Variants in RAP1B observed in about 807,000 individuals in gnomAD.
RAP1B encodes ras-related protein Rap-1b.
Under a neutral mutation model 27.5 loss-of-function variants are expected in RAP1B, and 1 was observed. The ratio of observed to expected loss-of-function variants is 0.04; its 90% CI spans 0.01 to 0.17. The LOEUF is 0.17. Ranked by LOEUF, RAP1B falls within the 10% of genes least tolerant of loss-of-function variation. The probability of loss-of-function intolerance (pLI) is 1.00; values close to 1 mark genes in which losing one functional copy is unlikely to be tolerated. For synonymous variants in RAP1B, 75 were observed against 73.1 expected (o/e 1.03, Z -0.13); for missense variants, 84 against 214.8 (o/e 0.39, Z 3.81).
At chr12:68,629,665 T>A (rs184204856) in intron 1 of RAP1B, among the ~76,000 whole-genome samples, 3 of 152,340 alleles carry the variant, frequency 2.0e-5, no homozygotes, top group African/African-American at 4.8e-5. Flanking sequence ...TCCCTTTATA[T>A]ATACTGTTTT....
At chr12:68,640,235 TG>T in intron 1 of RAP1B, among the ~76,000 whole-genome samples, 1 of 152,288 alleles carries the variant, frequency 6.6e-6, no homozygotes, top group African/African-American at 2.4e-5. Flanking sequence ...GGACTCTTTG[TG>T]TACTGAGCTA....
rs563169018 is a variant in RAP1B at position 68,621,063 on chromosome 12, C to G, written c.-27+10020C>G. On this transcript the variant is annotated intron_variant, in intron 1 of 7. Coordinates refer to ENST00000250559, the MANE Select transcript of RAP1B (RefSeq NM_001010942.3). ...AAATGGAGAGAAAAGATAATTCAGT[C>G]TGAACACCAGTGTTGCAAAGAACAA... Among the ~76,000 whole-genome samples the G allele has an allele frequency of 2.0e-5, 3 of 152,246 alleles. No individual in the cohort carries two copies. The South Asian group carries it at 6.2e-4, about 32-fold the overall frequency.
rs1028102929 is a variant in RAP1B, at chr12:68,667,696, A to G, written c.*8447A>G. On this transcript the variant is annotated 3_prime_UTR_variant, in exon 8 of 8. Coordinates refer to ENST00000250559, the MANE Select transcript of RAP1B (RefSeq NM_001010942.3). ...CCAGAAGTCAATTCAGTCATTCTCTATAAGAGCTGTTGTGGAAAAAGTTCT... is the reference window on the plus strand; with the variant it reads ...CCAGAAGTCAATTCAGTCATTCTCTGTAAGAGCTGTTGTGGAAAAAGTTCT... 5.9e-5 allele frequency: 9 copies of G among 152,216 alleles called. No individual in the cohort carries two copies. The highest frequency in any genetic ancestry group is 1.9e-4 in the African/African-American group (8 of 41,456). The allele number at this position is 152,216 out of a possible 1,614,324, so 9.4% of individuals were successfully genotyped here. A position where few individuals can be genotyped will look rare whatever the true frequency, so the allele number is the denominator to read the frequency against.
intron 1 of RAP1B, among the ~76,000 whole-genome samples, chr12:68,630,050 G>A (rs574734123): frequency 6.6e-6 from 1 of 152,300 alleles, no homozygotes; most frequent in South Asian, 2.1e-4. Flanking sequence ...TTGAGAACTA[G>A]ATTCTTTCCC....
chr12:68,642,435 A>G (rs531470910), intron 1 of RAP1B: 26 of 626,960 alleles, frequency 4.1e-5, no homozygotes, highest in Non-Finnish European at 7.0e-5. Flanking sequence ...TTATGGTGCT[A>G]TTGGTCTACT....
chr12:68,638,263 A>G (rs1872760935), intron 1 of RAP1B, among the ~76,000 whole-genome samples: 1 of 151,518 alleles, frequency 6.6e-6, no homozygotes, highest in Non-Finnish European at 1.5e-5. Flanking sequence ...AATTTGTATA[A>G]TCCCTTATAC....
At chr12:68,612,035 C>T (rs1321512820) in intron 1 of RAP1B, among the ~76,000 whole-genome samples, 1 of 152,104 alleles carries the variant, frequency 6.6e-6, no homozygotes, top group Non-Finnish European at 1.5e-5. Flanking sequence ...AACATTTTGG[C>T]CCTGTAACTT....
chr12:68,610,926 G>C lies in RAP1B; in HGVS notation c.-144G>C, dbSNP rs1404711794. ...CATCGCCAAACCTCGCCCAGATTCA[G>C]GCGTGTAAACCAGCCGGAGCGGCGC... is the stretch of plus-strand genomic sequence containing the variant. On this transcript the variant is annotated 5_prime_UTR_variant, in exon 1 of 8. Coordinates refer to ENST00000250559, the MANE Select transcript of RAP1B (RefSeq NM_001010942.3). 2 of 308,958 alleles carry C rather than the reference G, an allele frequency of 6.5e-6. No homozygotes were observed. The highest frequency in any genetic ancestry group is 1.2e-5 in the Non-Finnish European group (2 of 167,504). The allele number at this position is 308,958 out of a possible 1,614,324, so 19.1% of individuals were successfully genotyped here. A position where few individuals can be genotyped will look rare whatever the true frequency, so the allele number is the denominator to read the frequency against.
In RAP1B at chr12:68,671,290, G is replaced by A. The variant is rs1875084955; in HGVS notation, c.*12041G>A. On this transcript the variant is annotated 3_prime_UTR_variant, in exon 8 of 8. Coordinates refer to ENST00000250559, the MANE Select transcript of RAP1B (RefSeq NM_001010942.3). ...TGATGGAAATGTGCATTGTAGAGCT[G>A]ATATCTGTTCAAATTAAATATGCAT... 2 of 152,060 alleles carry A rather than the reference G, an allele frequency of 1.3e-5. No homozygotes were observed. The highest frequency in any genetic ancestry group is 4.8e-5 in the African/African-American group (2 of 41,388). The allele number at this position is 152,060 out of a possible 1,614,324, so 9.4% of individuals were successfully genotyped here. A position where few individuals can be genotyped will look rare whatever the true frequency, so the allele number is the denominator to read the frequency against.
At chr12:68,650,011 G>C (rs1419876294) in intron 2 of RAP1B, 1 of 157,196 alleles carries the variant, frequency 6.4e-6, no homozygotes, top group African/African-American at 2.4e-5. Flanking sequence ...TACTCGGGAG[G>C]CTGATGTGGG....
Position 68,637,221 on chromosome 12 carries a change from A to G in RAP1B, c.-26-11478A>G, listed in dbSNP as rs114908145. On this transcript the variant is annotated intron_variant, in intron 1 of 7. Transcript: ENST00000250559. ...GATGATGGTAATAACTAACATGTAA[A>G]TCTTTAATAAACAGTGTACATTCTT... Among the ~76,000 whole-genome samples the G allele has an allele frequency of 2.6e-3, 400 of 152,254 alleles. 3 individuals are homozygous for G. The highest frequency in any genetic ancestry group is 9.1e-3 in the African/African-American group (378 of 41,560).
chr12:68,612,469 CA>C (rs1283461427), intron 1 of RAP1B, among the ~76,000 whole-genome samples: 1 of 152,138 alleles, frequency 6.6e-6, no homozygotes, highest in East Asian at 1.9e-4. Flanking sequence ...CCCACCCTGT[CA>C]TTTTATGGAG....
rs529433863 is a variant in RAP1B at position 68,657,090 on chromosome 12, T to C, written c.469-11T>C. The C allele has an allele frequency of 9.2e-5, 148 of 1,607,994 alleles. 1 individual carries two copies. In the South Asian group the frequency reaches 1.6e-3, roughly 17 times the overall value. On this transcript the variant is annotated splice_polypyrimidine_tract_variant and intron_variant, in intron 6 of 7. Coordinates refer to ENST00000250559, the MANE Select transcript of RAP1B (RefSeq NM_001010942.3). ...CCTCCTGTAAATTAAAACAAATTAT[T>C]GTATTTGCAGATCTTTTATGACCTA... is the stretch of plus-strand genomic sequence containing the variant.
At chr12:68,650,726 C>G (rs994260987) in intron 3 of RAP1B, 13 of 213,802 alleles carry the variant, frequency 6.1e-5, no homozygotes, top group African/African-American at 3.0e-4. Flanking sequence ...CAAGTAGTAG[C>G]CCCATGTTAC....
intron 1 of RAP1B, among the ~76,000 whole-genome samples, chr12:68,635,902 G>A (rs193161736): frequency 2.0e-4 from 30 of 150,806 alleles, no homozygotes; most frequent in African/African-American, 5.6e-4. Flanking sequence ...TTTTTGTTAC[G>A]AAGTCTTGCT....
At position 68,664,828 on chromosome 12, in the gene RAP1B, C is replaced by T. The variant is rs1874781336; in HGVS notation, c.*5579C>T. 6.6e-6 allele frequency: 1 copy of T among 152,232 alleles called. No individual in the cohort carries two copies. The highest frequency in any genetic ancestry group is 2.4e-5 in the African/African-American group (1 of 41,468). 9.4% of individuals were successfully genotyped at this position (152,232 alleles called of 1,614,324 possible). ...ACTTTTCTAACCATAGGTGATTCTT[C>T]TTCCATTATCCATACTAAAGCAAGT... is the stretch of plus-strand genomic sequence containing the variant. On this transcript the variant is annotated 3_prime_UTR_variant, in exon 8 of 8. Transcript: ENST00000250559.
intron 1 of RAP1B, among the ~76,000 whole-genome samples, chr12:68,634,509 A>G (rs1266927442): frequency 6.6e-6 from 1 of 152,028 alleles, no homozygotes; most frequent in African/African-American, 2.4e-5. Context: ...GGGAGCAGGG[A>G]GGAGTTCTAC....
Position 68,664,348 on chromosome 12 carries a change from TG to T in RAP1B, c.*5100del, listed in dbSNP as rs1204934465. 12 of 152,176 alleles carry T rather than the reference TG, an allele frequency of 7.9e-5. No individual in the cohort carries two copies. In the East Asian group the frequency reaches 2.3e-3, roughly 29 times the overall value. The allele number at this position is 152,176 out of a possible 1,614,324, so 9.4% of individuals were successfully genotyped here. A position where few individuals can be genotyped will look rare whatever the true frequency, so the allele number is the denominator to read the frequency against. On this transcript the variant is annotated 3_prime_UTR_variant, in exon 8 of 8. Coordinates refer to ENST00000250559, the MANE Select transcript of RAP1B (RefSeq NM_001010942.3). ...TTTCAGAACAGGAAATTCTATTAAC[TG>T]TCAAACTCTTTAATGTGCAGTGCAG...
chr12:68,618,086 CTT>C (rs36224976), intron 1 of RAP1B, among the ~76,000 whole-genome samples: 1 of 60,790 alleles, frequency 1.6e-5, no homozygotes, highest in Non-Finnish European at 3.0e-5. Flanking sequence ...TTCTATAAAG[CTT>C]TTTTTTTTTT....
Sources: allele counts gnomAD v4.1 joint callset (sites outside exome capture counted in the v4.1 genomes callset), GRCh38; gene constraint gnomAD v4.1.1; transcripts MANE v1.5; gene names NCBI Gene and HGNC (gene_info 2026-07-23, HGNC 2026-07-21).